Variants in CDH23 observed in about 807,000 individuals in gnomAD.
The protein encoded by CDH23 is cadherin related 23.
In CDH23, 189 loss-of-function variants were observed where a neutral mutation model predicts 317.1. The observed-to-expected ratio is 0.60, with a 90% CI of 0.53 to 0.67. CDH23 has a LOEUF of 0.67. CDH23 is among the 30% of genes least tolerant of loss of function. The probability of loss-of-function intolerance (pLI) is 0.00; values close to 1 mark genes in which losing one functional copy is unlikely to be tolerated. For synonymous variants in CDH23, 1,839 were observed against 1,876.8 expected (o/e 0.98, Z 0.52); for missense variants, 4,401 against 4,592.4 (o/e 0.96, Z 1.20).
At chr10:71,679,246 C>A in intron 16 of CDH23, 141 bp from the exon 17 acceptor site, 1 of 661,928 alleles carries the variant, frequency 1.5e-6, no homozygotes, top group Non-Finnish European at 2.7e-6. Flanking sequence ...GCGTCCTGGG[C>A]CAGGACAAGA....
chr10:71,570,508 C>T (rs1857718743), intron 7 of CDH23, among the ~76,000 whole-genome samples: 1 of 152,210 alleles, frequency 6.6e-6, no homozygotes, highest in South Asian at 2.1e-4. Flanking sequence ...GTACCCCAGC[C>T]CTGCTTTGTA....
intron 7 of CDH23, among the ~76,000 whole-genome samples, chr10:71,568,135 A>G (rs1455515537): frequency 6.6e-6 from 1 of 152,216 alleles, no homozygotes; most frequent in Non-Finnish European, 1.5e-5. Context: ...GCCCTGGCCC[A>G]GTGGCTGTGG....
At chr10:71,761,845 G>A (rs1840397207) in intron 38 of CDH23, 1 of 1,614,152 alleles carries the variant, frequency 6.2e-7, no homozygotes, top group Non-Finnish European at 8.5e-7. Context: ...GGTTGCGGAT[G>A]GGCCGGCGCT....
At chr10:71,699,085 A>G (rs144772536) in intron 22 of CDH23, among the ~76,000 whole-genome samples, 7 of 152,318 alleles carry the variant, frequency 4.6e-5, no homozygotes, top group Non-Finnish European at 1.0e-4. Context: ...CATCATCACT[A>G]TCATTACCAT....
intron 14 of CDH23, among the ~76,000 whole-genome samples, chr10:71,669,804 C>T (rs1445585661): frequency 6.6e-6 from 1 of 151,854 alleles, no homozygotes; most frequent in Admixed American, 6.6e-5. Context: ...TGTGACTTCA[C>T]TGTTGGGCAC....
intron 11 of CDH23, among the ~76,000 whole-genome samples, chr10:71,620,107 G>T (rs1034409111): frequency 3.3e-5 from 5 of 152,118 alleles, no homozygotes; most frequent in Admixed American, 1.3e-4. Context: ...TGATCTGCAG[G>T]TCCCTCGGTC....
At chr10:71,740,978 C>A (rs1839718631) in intron 37 of CDH23, 28 bp downstream of exon 37, 1 of 1,613,532 alleles carries the variant, frequency 6.2e-7, no homozygotes, top group African/African-American at 1.3e-5. Context: ...GCCCATATAG[C>A]TGGACATACG....
chr10:71,475,788 G>A (rs530284662), intron 3 of CDH23, among the ~76,000 whole-genome samples: 63 of 152,360 alleles, frequency 4.1e-4, no homozygotes, highest in Non-Finnish European at 5.6e-4. Flanking sequence ...CCTGAGGGGC[G>A]GAGGCTGGAA....
chr10:71,592,024 T>C (rs7915479), intron 9 of CDH23, among the ~76,000 whole-genome samples: 89,233 of 151,836 alleles, frequency 0.59, 26,784 homozygotes, highest in African/African-American at 0.66. Context: ...GACAGACGGA[T>C]CAGACTGCAG....
At position 71,806,191 on chromosome 10, in the gene CDH23, G is replaced by A. The variant is rs528978563; in HGVS notation, c.8088G>A (p.Leu2696=). 177 of 1,570,348 alleles carry A rather than the reference G, an allele frequency of 1.1e-4. 1 individual carries two copies. The South Asian group carries it at 1.9e-3, about 17-fold the overall frequency. ...AGCTCATCTTGGTGGCCAGCGACCTGGGCCAGCCAGTGCCATACGAGACTA... is the reference window on the plus strand; with the variant it reads ...AGCTCATCTTGGTGGCCAGCGACCTAGGCCAGCCAGTGCCATACGAGACTA... ...VYSLILVASD[L]GQPVPYETMQ... is the part of the protein sequence containing the mutation. Residue 2696 remains leucine, a synonymous_variant, in exon 57 of 70, where the codon CTG becomes CTA. Coordinates refer to ENST00000224721, the MANE Select transcript of CDH23 (RefSeq NM_022124.6).
chr10:71,429,544 C>G (rs902330201), intron 1 of CDH23, among the ~76,000 whole-genome samples: 4 of 151,996 alleles, frequency 2.6e-5, no homozygotes, highest in Admixed American at 6.6e-5. Context: ...CAGTGATGGC[C>G]AAGAGGTGGG....
At chr10:71,463,886 G>A (rs1851127840) in intron 3 of CDH23, among the ~76,000 whole-genome samples, 1 of 152,218 alleles carries the variant, frequency 6.6e-6, no homozygotes, top group African/African-American at 2.4e-5. Context: ...TAAGGAAGGT[G>A]TAGATGTTTT....
chr10:71,633,714 GT>G (rs775313353), intron 11 of CDH23, among the ~76,000 whole-genome samples: 16 of 152,200 alleles, frequency 1.1e-4, no homozygotes, highest in Non-Finnish European at 2.9e-5. Flanking sequence ...AGGACACCAA[GT>G]TTATGGCCTC....
chr10:71,431,017 G>T (rs1442684680), intron 1 of CDH23, among the ~76,000 whole-genome samples: 2 of 152,182 alleles, frequency 1.3e-5, no homozygotes, highest in African/African-American at 4.8e-5. Context: ...AGAGGGAGGG[G>T]CCCATGTGCT....
chr10:71,591,057 C>G (rs1487450940), intron 9 of CDH23, among the ~76,000 whole-genome samples: 2 of 151,992 alleles, frequency 1.3e-5, no homozygotes, highest in East Asian at 3.9e-4. Context: ...AACCAAGCCA[C>G]CAAGAAGCTT....
chr10:71,690,630 C>A, intron 20 of CDH23, 46 bp downstream of exon 20: 1 of 1,383,930 alleles, frequency 7.2e-7, no homozygotes, highest in Non-Finnish European at 1.0e-6. Flanking sequence ...CACCCTGAGG[C>A]TGACTGTCCA....
chr10:71,450,805 G>A (rs777523277), intron 3 of CDH23, among the ~76,000 whole-genome samples: 15 of 151,932 alleles, frequency 9.9e-5, no homozygotes, highest in Non-Finnish European at 1.3e-4. Context: ...TCTCATTCCC[G>A]TGGTGGTCCC....
rs569208445 is a variant in CDH23 at position 71,568,410 on chromosome 10, A to C, written c.624+1474A>C. 3.3e-5 allele frequency among the ~76,000 whole-genome samples: 5 copies of C among 152,202 alleles called. No homozygotes were observed. In the South Asian group the frequency reaches 8.3e-4, roughly 25 times the overall value. On this transcript the variant is annotated intron_variant, in intron 7 of 69. Coordinates refer to ENST00000224721, the MANE Select transcript of CDH23 (RefSeq NM_022124.6). Reference sequence around the variant, plus strand: ...GCTTGCCCGCTGTGGGATAATTTCCACCCACCATAAAAATGGCTTTGGACC... The same window carrying C: ...GCTTGCCCGCTGTGGGATAATTTCCCCCCACCATAAAAATGGCTTTGGACC...
intron 22 of CDH23, among the ~76,000 whole-genome samples, chr10:71,695,889 C>A (rs1589344521): frequency 6.6e-6 from 1 of 152,222 alleles, no homozygotes; most frequent in East Asian, 1.9e-4. Flanking sequence ...ACTGCACAAG[C>A]CCCAGCTCCA....
Sources: gnomAD v4.1 joint callset for allele counts (sites outside exome capture counted in the v4.1 genomes callset) on GRCh38, gnomAD v4.1.1 for gene constraint, MANE v1.5 for transcripts, NCBI Gene and HGNC (gene_info 2026-07-23, HGNC 2026-07-21) for gene names.